Variants in ABCA2 observed in about 807,000 individuals in gnomAD.
ABCA2 encodes ATP-binding cassette sub-family A member 2.
Under a neutral mutation model 262.8 loss-of-function variants are expected in ABCA2, and 84 were observed. That is an observed-to-expected ratio of 0.32 (90% confidence interval 0.27 to 0.38). ABCA2 has a LOEUF of 0.38. Among genes scored for constraint, ABCA2 ranks in the 10% least tolerant of loss-of-function variants. The pLI, the probability that ABCA2 is intolerant of heterozygous loss-of-function variation, is 1.00. For missense variants in ABCA2, 2,662 were observed against 3,405.9 expected, an observed-to-expected ratio of 0.78 and a Z score of 5.44; for synonymous variants, 1,696 against 1,502.9, an observed-to-expected ratio of 1.13 and a Z score of -2.97.
Position 137,028,173 on chromosome 9 carries a change from G to A in ABCA2, c.-33C>T. 1.0e-6 allele frequency: 1 copy of A among 980,954 alleles called. No homozygotes were observed. Among genetic ancestry groups the A allele is most frequent in the Non-Finnish European group, 1.2e-6 (1 of 828,230 alleles). The allele number at this position is 980,954 out of a possible 1,614,324, so 60.8% of individuals were successfully genotyped here. A position where few individuals can be genotyped will look rare whatever the true frequency, so the allele number is the denominator to read the frequency against. On this transcript the variant is annotated 5_prime_UTR_variant, in exon 1 of 49. Coordinates refer to ENST00000341511, the MANE Select transcript of ABCA2 (RefSeq NM_001606.5). The surrounding 1 kb of genome is among the most constrained non-coding windows in gnomAD (Gnocchi z 6.9). ...CCACGCTCCGCCGCCTCAGCGCCGC[G>A]GCCCGCTCCTCTGCGCGCCCCGCCG...
rs1416926620 is a variant in ABCA2, at chr9:137,016,276, C to T, written c.3104+15G>A. The T allele has an allele frequency of 1.2e-6, 2 of 1,612,296 alleles. No individual in the cohort carries two copies. The highest frequency in any genetic ancestry group is 1.7e-6 in the Non-Finnish European group (2 of 1,179,722). On this transcript the variant is annotated intron_variant, in intron 21 of 48. Coordinates refer to ENST00000341511, the MANE Select transcript of ABCA2 (RefSeq NM_001606.5). ...GGTCAGCAGATGCCCACCGCCCTGC[C>T]CCTCCGACACTCACATGGTGGTGGT...
At chr9:137,013,352 A>G (rs1342881603) in intron 29 of ABCA2, 34 bp from the exon 30 acceptor site, 1 of 1,528,612 alleles carries the variant, frequency 6.5e-7, no homozygotes, top group South Asian at 1.2e-5. Flanking sequence ...TGGGGCTGCC[A>G]GTCTCCGCCC....
rs1005007273 is a variant in ABCA2 at position 137,021,373 on chromosome 9, T to C, written c.897+19A>G. The stretch of plus-strand genomic sequence containing the variant: ...AGGCAGCAAGCAGCGCAGCGGGCAG[T>C]GGGCAGGCAGGGCCTCACCTGCTGG... On this transcript the variant is annotated intron_variant, in intron 8 of 48. Coordinates refer to ENST00000341511, the MANE Select transcript of ABCA2 (RefSeq NM_001606.5). This position sits in a 1 kb window ranked among gnomAD's most constrained non-coding sequence, Gnocchi z 6.0. 1 of 1,600,442 alleles carries C rather than the reference T, an allele frequency of 6.2e-7. No individual in the cohort carries two copies. The highest frequency in any genetic ancestry group is 1.3e-5 in the African/African-American group (1 of 74,796).
chr9:137,009,332 G>GGGC, intron 45 of ABCA2, 38 bp downstream of exon 45: 20 of 980,410 alleles, frequency 2.0e-5, no homozygotes, highest in Non-Finnish European at 3.1e-5. Flanking sequence ...CCCCCCCCGG[G>GGGC]CCCGCCCCAG....
At chr9:137,009,200 TCC>T in intron 45 of ABCA2, 147 bp from the exon 46 acceptor site, 1 of 538,324 alleles carries the variant, frequency 1.9e-6, no homozygotes, top group Non-Finnish European at 2.9e-6. Flanking sequence ...CCCACAGCCC[TCC>T]AGGCTCCTCC....
Position 137,015,521 on chromosome 9 carries a change from T to C in ABCA2, c.3590A>G (p.His1197Arg), listed in dbSNP as rs1406684945. The change falls in exon 24 of 49, where the codon CAT (histidine) becomes CGT (arginine). Residue 1197 changes from histidine (H) to arginine (R), a missense_variant. This residue lies in a region of ABCA2 where 180 missense variants were observed against 307.3 expected (regional missense o/e 0.59). Coordinates refer to ENST00000341511, the MANE Select transcript of ABCA2 (RefSeq NM_001606.5). ...LLGDRIAIIS[H>R]GKLKCCGSPL... ...GGAGCCGCAGCACTTGAGCTTCCCA[T>C]GGGAGATGATGGCAATGCGGTCCCC... The C allele has an allele frequency of 6.2e-7, 1 of 1,612,388 alleles. No homozygotes were observed. Among genetic ancestry groups the C allele is most frequent in the Non-Finnish European group, 8.5e-7 (1 of 1,179,788 alleles).
rs1830881435 is a variant in ABCA2, at chr9:137,007,679, T to G, written c.*250A>C. On this transcript the variant is annotated 3_prime_UTR_variant, in exon 49 of 49. Transcript: ENST00000341511. ...CGAGGGGCCGGGCAGACCCCGAGGCTTTAAGGCAAAGCAGGGCAAGGGTGT... is the reference window on the plus strand; with the variant it reads ...CGAGGGGCCGGGCAGACCCCGAGGCGTTAAGGCAAAGCAGGGCAAGGGTGT... 3.4e-6 allele frequency: 2 copies of G among 586,134 alleles called. No homozygotes were observed. Among genetic ancestry groups the G allele is most frequent in the Non-Finnish European group, 6.0e-6 (2 of 330,652 alleles). The allele number at this position is 586,134 out of a possible 1,614,324, so 36.3% of individuals were successfully genotyped here. A position where few individuals can be genotyped will look rare whatever the true frequency, so the allele number is the denominator to read the frequency against.
At chr9:137,017,932 A>T (rs773917901) in intron 15 of ABCA2, 31 bp from the exon 16 acceptor site, 1 of 1,609,376 alleles carries the variant, frequency 6.2e-7, no homozygotes, top group Non-Finnish European at 8.5e-7. Context: ...GGCGCCACTC[A>T]GCCCCAGCCC....
At position 137,010,100 on chromosome 9, in the gene ABCA2, C is replaced by T. The variant is rs770332849; in HGVS notation, c.6378G>A (p.Val2126=). The T allele has an allele frequency of 6.3e-7, 1 of 1,596,784 alleles. No homozygotes were observed. The highest frequency in any genetic ancestry group is 2.2e-5 in the East Asian group (1 of 44,490). The change falls in exon 42 of 49, where the codon GTG becomes GTA. Residue 2126 remains valine (V), a synonymous_variant. Coordinates refer to ENST00000341511, the MANE Select transcript of ABCA2 (RefSeq NM_001606.5). ...GHSVLKELLQ[V]QQSLGYCPQC... ...GCGGGCAGTAGCCGAGGCTCTGCTG[C>T]ACCTGGAGCAGCTCCTTCAGCACGC...
At position 137,010,185 on chromosome 9, in the gene ABCA2, C is replaced by T. The variant is rs369852558; in HGVS notation, c.6353+8G>A. 3.2e-5 allele frequency: 51 copies of T among 1,598,832 alleles called. No homozygotes were observed. The highest frequency in any genetic ancestry group is 6.6e-5 in the South Asian group (6 of 90,634). On this transcript the variant is annotated splice_region_variant and intron_variant, in intron 41 of 48. Coordinates refer to ENST00000341511, the MANE Select transcript of ABCA2 (RefSeq NM_001606.5). ...GGCGGCCCCGCCCACCCAGGGCTCC[C>T]GCCCCACCTGTGTCCATTGACGAAG...
rs1202184440 is a variant in ABCA2 at position 137,019,499 on chromosome 9, T to G, written c.1426-193A>C. 1.7e-6 allele frequency: 1 copy of G among 598,688 alleles called. No homozygotes were observed. The highest frequency in any genetic ancestry group is 3.2e-5 in the East Asian group (1 of 31,008). 37.1% of individuals were successfully genotyped at this position (598,688 alleles called of 1,614,324 possible). On this transcript the variant is annotated intron_variant, in intron 10 of 48. Transcript: ENST00000341511. This position sits in a 1 kb window ranked among gnomAD's most constrained non-coding sequence, Gnocchi z 4.4. ...GTGCAGTGGTGCAGTCCCAGCTCAC[T>G]GCAGCCTCCACCTCCCAGGCTCAAG...
intron 45 of ABCA2, 40 bp downstream of exon 45, chr9:137,009,330 G>A (rs768975341): frequency 7.1e-5 from 30 of 421,000 alleles, no homozygotes; most frequent in East Asian, 2.3e-4. Context: ...CGCCCCCCCC[G>A]GGCCCGCCCC....
rs935791949 is a variant in ABCA2, at chr9:137,020,558, G to A, written c.1266-63C>T. The A allele has an allele frequency of 3.3e-5, 51 of 1,544,744 alleles. No homozygotes were observed. The Middle Eastern group carries it at 6.0e-4, about 18-fold the overall frequency. On this transcript the variant is annotated intron_variant, in intron 9 of 48. Transcript: ENST00000341511. ...GGGGCAGGGCCGCGAGAGTGGGAGG[G>A]GCATCGGGATGGGGCAGGACTTCGG...
chr9:137,016,275 C>T lies in ABCA2; in HGVS notation c.3104+16G>A, dbSNP rs755779083. On this transcript the variant is annotated intron_variant, in intron 21 of 48. Coordinates refer to ENST00000341511, the MANE Select transcript of ABCA2 (RefSeq NM_001606.5). ...TGGTCAGCAGATGCCCACCGCCCTG[C>T]CCCTCCGACACTCACATGGTGGTGG... 3 of 1,612,148 alleles carry T rather than the reference C, an allele frequency of 1.9e-6. No homozygotes were observed. The highest frequency in any genetic ancestry group is 2.5e-6 in the Non-Finnish European group (3 of 1,179,650).
In ABCA2 at chr9:137,013,023, G is replaced by A. The variant is rs1831120193; in HGVS notation, c.4846C>T (p.Leu1616=). 2 of 1,514,442 alleles carry A rather than the reference G, an allele frequency of 1.3e-6. No individual in the cohort carries two copies. The highest frequency in any genetic ancestry group is 1.7e-4 in the Middle Eastern group (1 of 5,790). 93.8% of individuals were successfully genotyped at this position (1,514,442 alleles called of 1,614,324 possible). A position where few individuals can be genotyped will look rare whatever the true frequency, so the allele number is the denominator to read the frequency against. The change falls in exon 30 of 49, where the codon CTG becomes TTG. Residue 1616 remains leucine, a synonymous_variant. Coordinates refer to ENST00000341511, the MANE Select transcript of ABCA2 (RefSeq NM_001606.5). The part of the protein sequence containing the change: ...DEDLQAWNVS[L]PPTAGPEMWT... Reference sequence around the variant, plus strand: ...CTACCTGGCCCAGCGGTGGGCGGCAGGGAGACGTTCCAGGCCTGCAGGTCC... The same window carrying A: ...CTACCTGGCCCAGCGGTGGGCGGCAAGGAGACGTTCCAGGCCTGCAGGTCC...
At chr9:137,016,810 C>T (rs1352884632) in intron 19 of ABCA2, 72 bp from the exon 20 acceptor site, 8 of 1,543,488 alleles carry the variant, frequency 5.2e-6, no homozygotes, top group Non-Finnish European at 6.1e-6. Context: ...GGCCACGTGC[C>T]CACCCAGGGA....
At position 137,012,140 on chromosome 9, in the gene ABCA2, G is replaced by A. The variant is rs988598947; in HGVS notation, c.5322C>T (p.Pro1774=). 4 of 1,612,372 alleles carry A rather than the reference G, an allele frequency of 2.5e-6. No homozygotes were observed. Among genetic ancestry groups the A allele is most frequent in the African/African-American group, 1.3e-5 (1 of 74,866 alleles). ...AAYGITVTNH[P]MNKTSASLSL... is the part of the protein sequence containing the mutation. ...AGAGGCTGGCGCTGGTCTTATTCAT[G>A]GGGTGGTTGGTGACGGTGATGCCTG... Residue 1774 remains proline, a synonymous_variant, in exon 34 of 49, where the codon CCC becomes CCT. Transcript: ENST00000341511.
rs1478941521 is a variant in ABCA2 at position 137,019,660 on chromosome 9, G to A, written c.1426-354C>T. The A allele has an allele frequency of 1.3e-5, 3 of 234,814 alleles. No homozygotes were observed. Among genetic ancestry groups the A allele is most frequent in the Admixed American group, 5.3e-5 (1 of 18,812 alleles). The allele number at this position is 234,814 out of a possible 1,614,324, so 14.5% of individuals were successfully genotyped here. A position where few individuals can be genotyped will look rare whatever the true frequency, so the allele number is the denominator to read the frequency against. ...TTGTCTCAAACTCCTGAGCTCAAGC[G>A]ATCCTCCCACCATGGCTTCCCAAAG... On this transcript the variant is annotated intron_variant, in intron 10 of 48. Coordinates refer to ENST00000341511, the MANE Select transcript of ABCA2 (RefSeq NM_001606.5). This position sits in a 1 kb window ranked among gnomAD's most constrained non-coding sequence, Gnocchi z 4.4.
rs547673619 is a variant in ABCA2, at chr9:137,011,690, C to A, written c.5595G>T (p.Pro1865=). ...CVIILFVFDL[P]AYTSPTNFPA... ...GGAAGTTGGTGGGCGACGTGTAGGCCGGCAGGTCGAACACAAACAGGATGA... is the reference window on the plus strand; with the variant it reads ...GGAAGTTGGTGGGCGACGTGTAGGCAGGCAGGTCGAACACAAACAGGATGA... The change falls in exon 36 of 49, where the codon CCG becomes CCT. Residue 1865 remains proline, a synonymous_variant. Transcript: ENST00000341511. The surrounding 1 kb of genome is among the most constrained non-coding windows in gnomAD (Gnocchi z 8.8). The A allele has an allele frequency of 1.9e-6, 3 of 1,554,588 alleles. No homozygotes were observed. The highest frequency in any genetic ancestry group is 1.4e-5 in the African/African-American group (1 of 73,072).
Sources: allele counts gnomAD v4.1 joint callset, GRCh38; gene constraint gnomAD v4.1.1; regional missense constraint gnomAD v4.1.1; non-coding constraint Gnocchi (gnomAD v3.1); transcripts MANE v1.5; gene names NCBI Gene and HGNC (gene_info 2026-07-23, HGNC 2026-07-21).